The following GABRB1 variants were observed in gnomAD, a reference collection of about 807,000 sequenced individuals.
GABRB1 encodes gamma-aminobutyric acid receptor subunit beta-1.
GABRB1 carries 17 observed loss-of-function variants against 51.6 expected under a neutral mutation model. That is an observed-to-expected ratio of 0.33 (90% CI 0.23 to 0.49). The LOEUF (loss-of-function observed/expected upper bound fraction) is 0.49. GABRB1 is among the 20% of genes least tolerant of loss of function. The pLI, the probability that GABRB1 is intolerant of heterozygous loss-of-function variation, is 0.99. For missense variants in GABRB1, 410 were observed against 600.6 expected, an observed-to-expected ratio of 0.68 and a Z score of 3.32; for synonymous variants, 247 against 218.9, an observed-to-expected ratio of 1.13 and a Z score of -1.14.
At chr4:47,198,812 T>C (rs935599455) in intron 4 of GABRB1, among the ~76,000 whole-genome samples, 14 of 152,300 alleles carry the variant, frequency 9.2e-5, no homozygotes, top group African/African-American at 2.9e-4. Flanking sequence ...CGGTTCAGCA[T>C]GGCTGGGGAG....
rs534397719 is a variant in GABRB1 at position 47,368,194 on chromosome 4, G to A, written c.545-35124G>A. 2.6e-5 allele frequency among the ~76,000 whole-genome samples: 4 copies of A among 152,250 alleles called. No individual in the cohort carries two copies. In the South Asian group the frequency reaches 8.3e-4, roughly 32 times the overall value. On this transcript the variant is annotated intron_variant, in intron 5 of 8. Transcript: ENST00000295454. The stretch of plus-strand genomic sequence containing the variant: ...TCTCCACCCCTGCTTATGTGTATAT[G>A]CAGCCTAACTAGGAGTCAACATATA...
chr4:47,052,447 A>C (rs765746544), intron 3 of GABRB1, among the ~76,000 whole-genome samples: 11 of 152,192 alleles, frequency 7.2e-5, no homozygotes, highest in Non-Finnish European at 1.5e-4. Context: ...CAAGGGGGAG[A>C]GGTAATTCAG....
intron 4 of GABRB1, among the ~76,000 whole-genome samples, chr4:47,319,151 T>C (rs1015802882): frequency 6.6e-6 from 1 of 152,122 alleles, no homozygotes; most frequent in African/African-American, 2.4e-5. Context: ...TTTGTGGGCA[T>C]TTGTGTTGTT....
At chr4:47,183,289 C>T (rs951041125) in intron 4 of GABRB1, among the ~76,000 whole-genome samples, 1 of 148,732 alleles carries the variant, frequency 6.7e-6, no homozygotes, top group Non-Finnish European at 1.5e-5. Context: ...ATTATCAGCT[C>T]TTCCACCACA....
intron 3 of GABRB1, among the ~76,000 whole-genome samples, chr4:47,067,294 A>G (rs1035807200): frequency 2.0e-5 from 3 of 152,216 alleles, no homozygotes; most frequent in African/African-American, 7.2e-5. Context: ...AGAATGGTAA[A>G]TAAGCATTGG....
chr4:47,076,185 A>T (rs1365323450), intron 3 of GABRB1, among the ~76,000 whole-genome samples: 1 of 152,130 alleles, frequency 6.6e-6, no homozygotes, highest in African/African-American at 2.4e-5. Context: ...GACCCTGACC[A>T]CCTGCTAGGC....
intron 3 of GABRB1, among the ~76,000 whole-genome samples, chr4:47,148,992 G>A (rs1267037059): frequency 6.6e-6 from 1 of 151,908 alleles, no homozygotes; most frequent in Admixed American, 6.6e-5. Context: ...TGATACAGTG[G>A]AAAGAACTTT....
intron 4 of GABRB1, among the ~76,000 whole-genome samples, chr4:47,164,428 T>C (rs1429833074): frequency 6.6e-6 from 1 of 152,096 alleles, no homozygotes; most frequent in African/African-American, 2.4e-5. Flanking sequence ...ATATAACATA[T>C]TGGCATATTT....
At chr4:47,299,185 A>G (rs968597389) in intron 4 of GABRB1, among the ~76,000 whole-genome samples, 2 of 152,330 alleles carry the variant, frequency 1.3e-5, no homozygotes, top group Non-Finnish European at 2.9e-5. Flanking sequence ...ATGGGCAAGG[A>G]CTTCATGTCT....
chr4:47,361,648 A>G lies in GABRB1; in HGVS notation c.544+41439A>G, dbSNP rs117923530. On this transcript the variant is annotated intron_variant, in intron 5 of 8. Coordinates refer to ENST00000295454, the MANE Select transcript of GABRB1 (RefSeq NM_000812.4). ...TCTGCCAAATATGACAAAAATGGTTATGGCAGTGGTGATGGAAAAAAACTG... is the reference window on the plus strand; with the variant it reads ...TCTGCCAAATATGACAAAAATGGTTGTGGCAGTGGTGATGGAAAAAAACTG... Among the ~76,000 whole-genome samples the G allele has an allele frequency of 6.5e-4, 99 of 152,306 alleles. 1 individual carries two copies. The East Asian group carries it at 0.013, about 20-fold the overall frequency.
At chr4:47,327,565 G>C (rs941825472) in intron 5 of GABRB1, among the ~76,000 whole-genome samples, 4 of 151,988 alleles carry the variant, frequency 2.6e-5, no homozygotes, top group Admixed American at 6.6e-5. Flanking sequence ...TTCAGACAAA[G>C]GTAACACTTA....
At chr4:47,012,197 G>A (rs1724601376) in intron 1 of GABRB1, among the ~76,000 whole-genome samples, 1 of 152,040 alleles carries the variant, frequency 6.6e-6, no homozygotes, top group Non-Finnish European at 1.5e-5. Flanking sequence ...ATATCATCAT[G>A]CAAATTGATG....
chr4:47,295,803 T>C (rs891567586), intron 4 of GABRB1, among the ~76,000 whole-genome samples: 11 of 152,196 alleles, frequency 7.2e-5, no homozygotes, highest in Non-Finnish European at 1.3e-4. Context: ...AGACACATAA[T>C]TGTCAGATTC....
chr4:47,372,795 G>C (rs986557280), intron 5 of GABRB1, among the ~76,000 whole-genome samples: 1 of 152,126 alleles, frequency 6.6e-6, no homozygotes, highest in African/African-American at 2.4e-5. Context: ...GCCTCTCTTT[G>C]GGTATATGAG....
At chr4:47,378,310 T>C (rs1042976890) in intron 5 of GABRB1, among the ~76,000 whole-genome samples, 2 of 152,184 alleles carry the variant, frequency 1.3e-5, no homozygotes, top group African/African-American at 4.8e-5. Flanking sequence ...AAGCCCCTCA[T>C]TGCCTGGCGC....
intron 3 of GABRB1, among the ~76,000 whole-genome samples, chr4:47,092,601 G>C (rs1728372163): frequency 6.7e-6 from 1 of 149,548 alleles, no homozygotes. Flanking sequence ...TTGGCATCCA[G>C]TTTCTTTCTT....
intron 3 of GABRB1, among the ~76,000 whole-genome samples, chr4:47,120,744 GA>G (rs1237166352): frequency 1.1e-4 from 16 of 152,132 alleles, no homozygotes; most frequent in Admixed American, 2.0e-4. Flanking sequence ...GTTCCCTTCT[GA>G]CCAATTGTGT....
chr4:47,143,379 T>G (rs937753264), intron 3 of GABRB1, among the ~76,000 whole-genome samples: 1 of 151,918 alleles, frequency 6.6e-6, no homozygotes, highest in Non-Finnish European at 1.5e-5. Flanking sequence ...TTATTTTCCT[T>G]CCCTTTTAGG....
chr4:47,160,332 G>A (rs1717883977), intron 3 of GABRB1, among the ~76,000 whole-genome samples: 1 of 152,126 alleles, frequency 6.6e-6, no homozygotes, highest in Admixed American at 6.6e-5. Flanking sequence ...CCACCACTGA[G>A]GTTAGTCTTC....
Sources: gnomAD v4.1 joint callset for allele counts (sites outside exome capture counted in the v4.1 genomes callset) on GRCh38, gnomAD v4.1.1 for gene constraint, MANE v1.5 for transcripts, NCBI Gene and HGNC (gene_info 2026-07-23, HGNC 2026-07-21) for gene names.